Variants in TRAP1 observed in about 807,000 individuals in gnomAD.
TRAP1 encodes TNF receptor associated protein 1.
A neutral mutation model predicts 89.1 loss-of-function variants in TRAP1; 102 were observed. That is an observed-to-expected ratio of 1.15 (90% CI 0.98 to 1.35). The LOEUF (loss-of-function observed/expected upper bound fraction) is 1.35. Among genes scored for constraint, TRAP1 ranks in the 40% most tolerant of loss-of-function variants. TRAP1 has a pLI of 0.00. For synonymous variants in TRAP1, 508 were observed against 388.0 expected, an observed-to-expected ratio of 1.31 and a Z score of -3.64; for missense variants, 1,256 against 945.3, an observed-to-expected ratio of 1.33 and a Z score of -4.31.
intron 1 of TRAP1, among the ~76,000 whole-genome samples, chr16:3,710,871 A>ATCTTTTT (rs1289903709): frequency 9.2e-6 from 1 of 109,126 alleles, no homozygotes; most frequent in African/African-American, 4.9e-5. Flanking sequence ...ATATATATAT[A>ATCTTTTT]TATATATATT....
intron 1 of TRAP1, among the ~76,000 whole-genome samples, chr16:3,707,354 G>A (rs1359133783): frequency 6.6e-6 from 1 of 150,496 alleles, no homozygotes; most frequent in Admixed American, 6.6e-5. Context: ...CCCGGCTAAT[G>A]TTTTGTATTT....
At chr16:3,668,327 T>C (rs2050865219) in intron 11 of TRAP1, among the ~76,000 whole-genome samples, 1 of 152,196 alleles carries the variant, frequency 6.6e-6, no homozygotes, top group Non-Finnish European at 1.5e-5. Flanking sequence ...CCCAAAGTGC[T>C]GGGATTACAG....
At chr16:3,701,384 T>C (rs1405935702) in intron 1 of TRAP1, among the ~76,000 whole-genome samples, 1 of 151,522 alleles carries the variant, frequency 6.6e-6, no homozygotes. Flanking sequence ...ACTGACAGAA[T>C]CAAACCAAAA....
At position 3,714,549 on chromosome 16, in the gene TRAP1, C is replaced by T. The variant is rs561120431; in HGVS notation, c.88+2872G>A. Among the ~76,000 whole-genome samples, 61 of 152,280 alleles carry T rather than the reference C, an allele frequency of 4.0e-4. No individual in the cohort carries two copies. The South Asian group carries it at 0.012, about 31-fold the overall frequency. On this transcript the variant is annotated intron_variant, in intron 1 of 17. Coordinates refer to ENST00000246957, the MANE Select transcript of TRAP1 (RefSeq NM_016292.3). ...TGGCATGCGCCTGTAGTCCCAGCTACGTGGGAGGCGAAGTCAGGAGAATCA... is the reference window on the plus strand; with the variant it reads ...TGGCATGCGCCTGTAGTCCCAGCTATGTGGGAGGCGAAGTCAGGAGAATCA...
chr16:3,694,157 C>T (rs576512353), intron 1 of TRAP1, among the ~76,000 whole-genome samples: 1 of 152,112 alleles, frequency 6.6e-6, no homozygotes, highest in Non-Finnish European at 1.5e-5. Flanking sequence ...TGTCTCTTGT[C>T]ACATGGCAAG....
intron 4 of TRAP1, among the ~76,000 whole-genome samples, chr16:3,684,339 T>A (rs1303877492): frequency 1.3e-5 from 2 of 152,230 alleles, no homozygotes; most frequent in Non-Finnish European, 2.9e-5. Context: ...TAAGGCTGCA[T>A]ATTTTATTCC....
intron 10 of TRAP1, 35 bp from the exon 11 acceptor site, chr16:3,671,826 G>A: frequency 6.2e-7 from 1 of 1,605,388 alleles, no homozygotes; most frequent in Non-Finnish European, 8.5e-7. Flanking sequence ...TCCCGGGGCT[G>A]CGGCCCTCCA....
chr16:3,664,349 G>C lies in TRAP1; in HGVS notation c.1494C>G (p.Tyr498Ter). The change falls in exon 13 of 18, where the codon TAC becomes TAG. Residue 498 changes from tyrosine (Y) to a stop codon, truncating the protein, a stop_gained. Transcript: ENST00000246957. LOFTEE classifies it high-confidence loss of function. ...GGTGACGGTTGGGGGCGCACAGGTA[G>C]TAGATGTTGCGGGTGCCGGCCCGCA... Reference protein sequence around the residue: ...SRMRAGTRNIYYLCAPNRHLA... With the variant: ...SRMRAGTRNI The C allele has an allele frequency of 6.2e-7, 1 of 1,613,210 alleles. No homozygotes were observed. The highest frequency in any genetic ancestry group is 1.1e-5 in the South Asian group (1 of 90,832).
intron 12 of TRAP1, 146 bp from the exon 13 acceptor site, chr16:3,664,605 T>C (rs1439153794): frequency 1.7e-5 from 14 of 841,494 alleles, no homozygotes; most frequent in Middle Eastern, 3.3e-4. Flanking sequence ...GACTCGGGGG[T>C]TGTCCGAGAG....
At chr16:3,684,828 C>G (rs935804129) in intron 4 of TRAP1, among the ~76,000 whole-genome samples, 1 of 152,040 alleles carries the variant, frequency 6.6e-6, no homozygotes, top group African/African-American at 2.4e-5. Flanking sequence ...TGGACCATGA[C>G]GCTCCCATCG....
At chr16:3,686,396 C>T (rs2051139195) in intron 3 of TRAP1, among the ~76,000 whole-genome samples, 1 of 152,162 alleles carries the variant, frequency 6.6e-6, no homozygotes, top group African/African-American at 2.4e-5. Flanking sequence ...CGGCTTATTG[C>T]AGCTTTAACC....
intron 1 of TRAP1, among the ~76,000 whole-genome samples, chr16:3,716,366 T>C (rs575974863): frequency 1.8e-4 from 28 of 152,322 alleles, no homozygotes; most frequent in African/African-American, 6.3e-4. Context: ...GCTAAAGAAA[T>C]ACCGCACGTG....
chr16:3,669,401 C>T (rs1236141916), intron 11 of TRAP1, among the ~76,000 whole-genome samples: 1 of 152,176 alleles, frequency 6.6e-6, no homozygotes, highest in South Asian at 2.1e-4. Context: ...TGTGGGGAAA[C>T]AAGCACTGAG....
At position 3,677,423 on chromosome 16, in the gene TRAP1, C is replaced by T. The variant is rs773440642; in HGVS notation, c.704+75G>A. 559 of 1,581,120 alleles carry T rather than the reference C, an allele frequency of 3.5e-4. 2 individuals are homozygous for T. The highest frequency in any genetic ancestry group is 4.7e-4 in the Non-Finnish European group (537 of 1,152,616). On this transcript the variant is annotated intron_variant, in intron 6 of 17. Transcript: ENST00000246957. ...AATGCCTGTGTACGTTTTCTGAGTC[C>T]ATCCCTTTCCAAACTCCATGCTAAG...
At chr16:3,708,198 TA>T (rs1037457308) in intron 1 of TRAP1, among the ~76,000 whole-genome samples, 1 of 151,238 alleles carries the variant, frequency 6.6e-6, no homozygotes, top group African/African-American at 2.4e-5. Flanking sequence ...ACCCTGCCTC[TA>T]AAATAAAATT....
At chr16:3,669,943 A>T (rs770203050) in intron 11 of TRAP1, among the ~76,000 whole-genome samples, 14 of 151,804 alleles carry the variant, frequency 9.2e-5, no homozygotes, top group Non-Finnish European at 1.5e-4. Flanking sequence ...GCCCCGAGGG[A>T]CGGGATCAGT....
At chr16:3,712,222 G>C (rs1439648948) in intron 1 of TRAP1, among the ~76,000 whole-genome samples, 1 of 140,458 alleles carries the variant, frequency 7.1e-6, no homozygotes, top group Non-Finnish European at 1.5e-5. Flanking sequence ...TCAGGAGGCG[G>C]AAGTTGCAGT....
intron 17 of TRAP1, chr16:3,658,561 T>C (rs1032014994): frequency 1.2e-5 from 7 of 579,852 alleles, no homozygotes; most frequent in Non-Finnish European, 1.8e-5. Context: ...TAGTCCCAGC[T>C]ACTCGGGAGG....
At chr16:3,696,881 C>T (rs1359508401) in intron 1 of TRAP1, among the ~76,000 whole-genome samples, 1 of 152,052 alleles carries the variant, frequency 6.6e-6, no homozygotes, top group Non-Finnish European at 1.5e-5. Flanking sequence ...CTCATGCCAC[C>T]ATACCCGGCT....
Sources: allele counts gnomAD v4.1 joint callset (sites outside exome capture counted in the v4.1 genomes callset), GRCh38; gene constraint gnomAD v4.1.1; transcripts MANE v1.5; gene names NCBI Gene and HGNC (gene_info 2026-07-23, HGNC 2026-07-21).